Variants in PAG1 observed in about 807,000 individuals in gnomAD.
PAG1 encodes the protein phosphoprotein associated with glycosphingolipid-enriched microdomains 1.
Under a neutral mutation model 31.7 loss-of-function variants are expected in PAG1, and 23 were observed. That is an observed-to-expected ratio of 0.73 (90% CI 0.52 to 1.03). PAG1 has a LOEUF of 1.03. Among genes scored for constraint, PAG1 ranks in the 50% least tolerant of loss-of-function variants. The pLI is 0.00. For synonymous variants in PAG1, 214 were observed against 210.3 expected (o/e 1.02, Z -0.15); for missense variants, 473 against 540.7 (o/e 0.87, Z 1.24).
rs529861850 is a variant in PAG1, at chr8:80,990,695, T to A, written c.177+784A>T. ...GGGCCTCAGGATCATCAGGACCCTG[T>A]AAGATACTGAGGGCTGGGAAAACGC... On this transcript the variant is annotated intron_variant, in intron 5 of 8. Transcript: ENST00000220597. This position sits in a 1 kb window ranked among gnomAD's most constrained non-coding sequence, Gnocchi z 5.1. 6.6e-6 allele frequency among the ~76,000 whole-genome samples: 1 copy of A among 152,198 alleles called. No homozygotes were observed. Among genetic ancestry groups the A allele is most frequent in the East Asian group, 1.9e-4 (1 of 5,158 alleles).
At chr8:81,029,436 T>C (rs1808341065) in intron 3 of PAG1, among the ~76,000 whole-genome samples, 1 of 151,656 alleles carries the variant, frequency 6.6e-6, no homozygotes, top group Admixed American at 6.6e-5. Flanking sequence ...AAACAAGAAC[T>C]TCATGAAGCA....
At chr8:81,095,675 G>T (rs1809517459) in intron 1 of PAG1, among the ~76,000 whole-genome samples, 1 of 152,146 alleles carries the variant, frequency 6.6e-6, no homozygotes, top group Non-Finnish European at 1.5e-5. Context: ...AGGAAGTAAG[G>T]GTAGATAGCC....
Position 80,993,242 on chromosome 8 carries a change from C to T in PAG1, c.-15G>A. Reference sequence around the variant, plus strand: ...GCGGGCCCCATGGCAGGAGCAGGCACTGGCACCAGCCGAGGGAATCAGTCA... The same window carrying T: ...GCGGGCCCCATGGCAGGAGCAGGCATTGGCACCAGCCGAGGGAATCAGTCA... On this transcript the variant is annotated 5_prime_UTR_variant, in exon 4 of 9. In the 5' UTR this introduces an upstream ATG that the reference lacks. Transcript: ENST00000220597. The T allele has an allele frequency of 6.3e-7, 1 of 1,595,646 alleles. No individual in the cohort carries two copies. Among genetic ancestry groups the T allele is most frequent in the Non-Finnish European group, 8.5e-7 (1 of 1,172,096 alleles).
rs1228936224 is a variant in PAG1 at position 81,083,007 on chromosome 8, T to C, written c.-233-12837A>G. 1.2e-4 allele frequency among the ~76,000 whole-genome samples: 19 copies of C among 152,062 alleles called. 1 individual carries two copies. Among genetic ancestry groups the C allele is most frequent in the Non-Finnish European group, 1.9e-4 (13 of 68,024 alleles). ...AAACCTGGACATTTTGGGTATTATG[T>C]TATGAGACTTTGGATCTTACTTAAA... On this transcript the variant is annotated intron_variant, in intron 1 of 8. Coordinates refer to ENST00000220597, the MANE Select transcript of PAG1 (RefSeq NM_018440.4).
At chr8:80,998,231 G>A (rs1177862031) in intron 3 of PAG1, among the ~76,000 whole-genome samples, 1 of 149,540 alleles carries the variant, frequency 6.7e-6, no homozygotes, top group Admixed American at 6.7e-5. Flanking sequence ...CTGGGTTCAA[G>A]CAATTCTCCT....
At chr8:81,004,773 T>C (rs1278174324) in intron 3 of PAG1, among the ~76,000 whole-genome samples, 1 of 152,212 alleles carries the variant, frequency 6.6e-6, no homozygotes, top group African/African-American at 2.4e-5. Context: ...GCAGCTGCAA[T>C]GCCCTTGGAC....
At chr8:81,049,266 AT>A (rs1300688671) in intron 2 of PAG1, among the ~76,000 whole-genome samples, 1 of 152,236 alleles carries the variant, frequency 6.6e-6, no homozygotes, top group Non-Finnish European at 1.5e-5. Flanking sequence ...CCCTAATCTA[AT>A]TTCCAAAGAA....
chr8:81,097,732 A>G (rs1243721546), intron 1 of PAG1, among the ~76,000 whole-genome samples: 2 of 151,910 alleles, frequency 1.3e-5, no homozygotes, highest in Non-Finnish European at 2.9e-5. Flanking sequence ...AAAAGAAGTA[A>G]TAAACAGTAG....
chr8:80,974,847 C>CCT lies in PAG1; in HGVS notation c.*1696_*1697insAG, dbSNP rs1420978905. On this transcript the variant is annotated 3_prime_UTR_variant, in exon 9 of 9. Coordinates refer to ENST00000220597, the MANE Select transcript of PAG1 (RefSeq NM_018440.4). Reference sequence around the variant, plus strand: ...ATAGCCCACACTCATAATAGCACTTCAACTAGGCTCCTTTGAAAATGAAAA... The same window carrying CCT: ...ATAGCCCACACTCATAATAGCACTTCCTAACTAGGCTCCTTTGAAAATGAAAA... 4 of 152,190 alleles carry CCT rather than the reference C, an allele frequency of 2.6e-5. No individual in the cohort carries two copies. The highest frequency in any genetic ancestry group is 9.7e-5 in the African/African-American group (4 of 41,442). The allele number at this position is 152,190 out of a possible 1,614,324, so 9.4% of individuals were successfully genotyped here. A position where few individuals can be genotyped will look rare whatever the true frequency, so the allele number is the denominator to read the frequency against.
chr8:81,035,675 T>C (rs996169982), intron 2 of PAG1, among the ~76,000 whole-genome samples: 6 of 152,064 alleles, frequency 3.9e-5, no homozygotes, highest in African/African-American at 7.2e-5. Flanking sequence ...CAGGAGGAGA[T>C]GTACTGGGGG....
chr8:81,081,975 G>A (rs1025192042), intron 1 of PAG1, among the ~76,000 whole-genome samples: 3 of 152,036 alleles, frequency 2.0e-5, no homozygotes, highest in South Asian at 2.1e-4. Context: ...ATCCTTGGCC[G>A]GGTATGGTGG....
At chr8:81,076,338 G>C (rs1228686754) in intron 1 of PAG1, among the ~76,000 whole-genome samples, 1 of 152,174 alleles carries the variant, frequency 6.6e-6, no homozygotes, top group Non-Finnish European at 1.5e-5. Context: ...ACAATGTCTA[G>C]CTCTGCCTCC....
intron 4 of PAG1, among the ~76,000 whole-genome samples, chr8:80,991,990 T>C (rs1409013216): frequency 2.0e-5 from 3 of 152,096 alleles, no homozygotes; most frequent in Non-Finnish European, 4.4e-5. Flanking sequence ...GTGAGTCATA[T>C]GTACTTCCAG....
At chr8:81,080,766 A>G (rs940213561) in intron 1 of PAG1, among the ~76,000 whole-genome samples, 1 of 152,192 alleles carries the variant, frequency 6.6e-6, no homozygotes, top group Non-Finnish European at 1.5e-5. Context: ...GCACTAAGTG[A>G]GCAAACAAAA....
intron 2 of PAG1, among the ~76,000 whole-genome samples, chr8:81,035,201 G>A (rs2130808467): frequency 6.6e-6 from 1 of 152,254 alleles, no homozygotes; most frequent in African/African-American, 2.4e-5. Flanking sequence ...GCTACTCAGA[G>A]TAAGAGCCAC....
chr8:81,002,795 C>T (rs1807809863), intron 3 of PAG1, among the ~76,000 whole-genome samples: 1 of 152,220 alleles, frequency 6.6e-6, no homozygotes, highest in African/African-American at 2.4e-5. Context: ...CCTCAAAACA[C>T]ACATCCCTCC....
intron 2 of PAG1, among the ~76,000 whole-genome samples, chr8:81,056,992 G>A (rs1808835064): frequency 6.6e-6 from 1 of 152,204 alleles, no homozygotes; most frequent in South Asian, 2.1e-4. Context: ...CTGGCCATCG[G>A]AGAAATGCAA....
At chr8:81,022,908 A>C (rs915204715) in intron 3 of PAG1, among the ~76,000 whole-genome samples, 3 of 152,166 alleles carry the variant, frequency 2.0e-5, no homozygotes, top group African/African-American at 7.2e-5. Context: ...TCCCTTCTGC[A>C]ACTGACCAGA....
Position 80,970,541 on chromosome 8 carries a change from T to C in PAG1, c.*6003A>G, listed in dbSNP as rs1235831260. The C allele has an allele frequency of 6.6e-6, 1 of 152,662 alleles. No individual in the cohort carries two copies. Among genetic ancestry groups the C allele is most frequent in the Non-Finnish European group, 1.5e-5 (1 of 68,108 alleles). The allele number at this position is 152,662 out of a possible 1,614,324, so 9.5% of individuals were successfully genotyped here. On this transcript the variant is annotated 3_prime_UTR_variant, in exon 9 of 9. Coordinates refer to ENST00000220597, the MANE Select transcript of PAG1 (RefSeq NM_018440.4). The stretch of plus-strand genomic sequence containing the variant: ...CCTTCCACATGCTGGACAGTGGGGG[T>C]TGCTGCTTGAGGAGACTCAGGCCAG...
Sources: allele counts gnomAD v4.1 joint callset (sites outside exome capture counted in the v4.1 genomes callset), GRCh38; gene constraint gnomAD v4.1.1; non-coding constraint Gnocchi (gnomAD v3.1); transcripts MANE v1.5; gene names NCBI Gene and HGNC (gene_info 2026-07-23, HGNC 2026-07-21).